Variants in CCDC171 observed in about 807,000 individuals in gnomAD.
CCDC171 encodes coiled-coil domain-containing protein 171.
Under a neutral mutation model 168.2 loss-of-function variants are expected in CCDC171, and 177 were observed. The observed-to-expected ratio is 1.05, with a 90% CI of 0.93 to 1.19. The LOEUF is 1.19. CCDC171 is among the 50% of genes most tolerant of loss of function. CCDC171 has a pLI of 0.00. For missense variants in CCDC171, 1,991 were observed against 1,539.0 expected (o/e 1.29, Z -4.91); for synonymous variants, 687 against 540.8 (o/e 1.27, Z -3.75).
At chr9:15,949,789 C>A (rs1250261974) in intron 25 of CCDC171, among the ~76,000 whole-genome samples, 10 of 152,088 alleles carry the variant, frequency 6.6e-5, no homozygotes, top group Non-Finnish European at 1.3e-4. Context: ...TAATTGAATA[C>A]CCTTTATTTC....
chr9:15,936,234 G>C (rs929052214), intron 25 of CCDC171, among the ~76,000 whole-genome samples: 1 of 151,888 alleles, frequency 6.6e-6, no homozygotes, highest in Non-Finnish European at 1.5e-5. Flanking sequence ...TAATAACAGA[G>C]TTGCTTAATT....
the CCDC171 span, among the ~76,000 whole-genome samples, chr9:16,080,500 G>A: frequency 6.6e-6 from 1 of 152,082 alleles, no homozygotes; most frequent in African/African-American, 2.4e-5. Flanking sequence ...CAGCTCAAAA[G>A]GCCATGCCTT....
intron 18 of CCDC171, among the ~76,000 whole-genome samples, chr9:15,746,568 A>G (rs2134697819): frequency 6.6e-6 from 1 of 152,372 alleles, no homozygotes; most frequent in Non-Finnish European, 1.5e-5. Flanking sequence ...GCAAAACTGA[A>G]CATTCTTGAA....
chr9:15,902,012 G>A (rs1459502531), intron 24 of CCDC171, among the ~76,000 whole-genome samples: 1 of 152,078 alleles, frequency 6.6e-6, no homozygotes, highest in East Asian at 1.9e-4. Context: ...TTTCAAAAAA[G>A]ATGAGGGTTA....
chr9:16,084,979 A>G, the CCDC171 span, among the ~76,000 whole-genome samples: 112 of 152,320 alleles, frequency 7.4e-4, 1 homozygote, highest in East Asian at 0.013. Flanking sequence ...GAAAATCATA[A>G]CACCTAAAAA....
intron 25 of CCDC171, among the ~76,000 whole-genome samples, chr9:15,928,840 C>G (rs1471369819): frequency 6.6e-6 from 1 of 151,466 alleles, no homozygotes; most frequent in African/African-American, 2.4e-5. Context: ...TTCTCATATT[C>G]TAGAAACTCA....
At chr9:15,825,627 T>C (rs184408900) in intron 21 of CCDC171, among the ~76,000 whole-genome samples, 47 of 152,250 alleles carry the variant, frequency 3.1e-4, no homozygotes, top group African/African-American at 1.1e-3. Flanking sequence ...CCCAACTTCA[T>C]TACCCTCCCT....
chr9:15,785,246 A>C (rs148963434), intron 21 of CCDC171, among the ~76,000 whole-genome samples: 1 of 152,288 alleles, frequency 6.6e-6, no homozygotes, highest in East Asian at 1.9e-4. Flanking sequence ...TAATGGGTTT[A>C]AATGTTGCCT....
chr9:15,977,713 A>G (rs1034340036), downstream of CCDC171, among the ~76,000 whole-genome samples: 1 of 152,212 alleles, frequency 6.6e-6, no homozygotes, highest in Non-Finnish European at 1.5e-5. Flanking sequence ...GTGCGGCTAT[A>G]GGAAACTACG....
intron 6 of CCDC171, among the ~76,000 whole-genome samples, chr9:15,610,316 C>T (rs2131829190): frequency 6.6e-6 from 1 of 150,966 alleles, no homozygotes; most frequent in East Asian, 2.0e-4. Context: ...GCTTAAACCT[C>T]CTGGGCTCGG....
At chr9:15,971,082 A>AT (rs1441005660) in intron 25 of CCDC171, among the ~76,000 whole-genome samples, 1 of 152,186 alleles carries the variant, frequency 6.6e-6, no homozygotes, top group Non-Finnish European at 1.5e-5. Context: ...AGAATTTTGT[A>AT]TCTTAGTATG....
At chr9:15,635,009 T>C (rs2046092213) in intron 7 of CCDC171, among the ~76,000 whole-genome samples, 2 of 152,206 alleles carry the variant, frequency 1.3e-5, no homozygotes, top group South Asian at 4.1e-4. Flanking sequence ...TATTCTGTTG[T>C]GTAATATATA....
At chr9:15,860,585 C>A (rs942357237) in intron 23 of CCDC171, among the ~76,000 whole-genome samples, 1 of 151,642 alleles carries the variant, frequency 6.6e-6, no homozygotes, top group African/African-American at 2.4e-5. Flanking sequence ...TACTTTGTTT[C>A]TGGTTTCATT....
At chr9:16,101,871 G>A in the CCDC171 span, among the ~76,000 whole-genome samples, 85 of 152,308 alleles carry the variant, frequency 5.6e-4, 1 homozygote, top group Admixed American at 3.7e-3. Flanking sequence ...CCCAAGCCTC[G>A]GACAAGATGG....
At chr9:15,728,234 T>C (rs912296171) in intron 15 of CCDC171, among the ~76,000 whole-genome samples, 198 bp downstream of exon 15, 3 of 152,212 alleles carry the variant, frequency 2.0e-5, no homozygotes, top group Non-Finnish European at 2.9e-5. Context: ...CTGAAGTCTG[T>C]ATGAAGTCTC....
At chr9:16,073,166 A>G in the CCDC171 span, among the ~76,000 whole-genome samples, 2 of 152,330 alleles carry the variant, frequency 1.3e-5, no homozygotes, top group South Asian at 2.1e-4. Context: ...TGAAGCTGCA[A>G]ATAAGGAACT....
chr9:15,848,985 C>G, intron 23 of CCDC171, 38 bp downstream of exon 23: 3 of 1,055,384 alleles, frequency 2.8e-6, no homozygotes, highest in Non-Finnish European at 4.2e-6. Flanking sequence ...CAATTTGTGT[C>G]ATGACACCTA....
At chr9:16,079,197 A>G in the CCDC171 span, among the ~76,000 whole-genome samples, 3 of 152,196 alleles carry the variant, frequency 2.0e-5, no homozygotes, top group South Asian at 4.1e-4. Flanking sequence ...AACCAGCAAC[A>G]TCTCTGATCC....
Position 15,972,054 on chromosome 9 carries a change from T to C in CCDC171, c.*218T>C. On this transcript the variant is annotated 3_prime_UTR_variant, in exon 26 of 26. Coordinates refer to ENST00000380701, the MANE Select transcript of CCDC171 (RefSeq NM_173550.4). ...TTTTATTTGTTATCACAGTTGCTCA[T>C]TTTTATGTAACATATTTTTAAATGT... is the stretch of plus-strand genomic sequence containing the variant. 3.9e-6 allele frequency: 2 copies of C among 506,526 alleles called. No individual in the cohort carries two copies. Among genetic ancestry groups the C allele is most frequent in the Non-Finnish European group, 6.9e-6 (2 of 288,710 alleles). The allele number at this position is 506,526 out of a possible 1,614,324, so 31.4% of individuals were successfully genotyped here. A position where few individuals can be genotyped will look rare whatever the true frequency, so the allele number is the denominator to read the frequency against.
Sources: gnomAD v4.1 joint callset for allele counts (sites outside exome capture counted in the v4.1 genomes callset) on GRCh38, gnomAD v4.1.1 for gene constraint, MANE v1.5 for transcripts, NCBI Gene and HGNC (gene_info 2026-07-23, HGNC 2026-07-21) for gene names.